Variants in AK5 observed in about 807,000 individuals in gnomAD.
AK5 encodes adenylate kinase isoenzyme 5.
AK5 carries 27 observed loss-of-function variants against 69.5 expected under a neutral mutation model. The ratio of observed to expected loss-of-function variants is 0.39; its 90% CI spans 0.29 to 0.54. The LOEUF (loss-of-function observed/expected upper bound fraction) is 0.54, where lower values mean the gene tolerates loss of function less well. Ranked by LOEUF, AK5 falls within the 20% of genes least tolerant of loss-of-function variation. The probability of loss-of-function intolerance (pLI) is 0.71; values close to 1 mark genes in which losing one functional copy is unlikely to be tolerated. For synonymous variants in AK5, 260 were observed against 244.4 expected (o/e 1.06, Z -0.60); for missense variants, 531 against 700.4 (o/e 0.76, Z 2.73).
chr1:77,535,557 C>T (rs548795083), intron 12 of AK5, among the ~76,000 whole-genome samples: 4 of 152,140 alleles, frequency 2.6e-5, no homozygotes, highest in African/African-American at 9.7e-5. Flanking sequence ...CCTTTCTTCT[C>T]AGTGCAGAAG....
chr1:77,529,033 T>A (rs567214376), intron 12 of AK5, among the ~76,000 whole-genome samples: 1 of 152,208 alleles, frequency 6.6e-6, no homozygotes, highest in Non-Finnish European at 1.5e-5. Flanking sequence ...ACAGTTTTTT[T>A]AATAATGTGT....
intron 8 of AK5, among the ~76,000 whole-genome samples, chr1:77,475,427 A>ACAAATATATAT (rs1654844444): frequency 1.3e-4 from 1 of 7,656 alleles, no homozygotes; most frequent in African/African-American, 3.7e-4. Context: ...ACTATATATT[A>ACAAATATATAT]TATATATGTA....
rs368613629 is a variant in AK5 at position 77,455,572 on chromosome 1, T to C, written c.1060-27745T>C. Among the ~76,000 whole-genome samples, 3 of 152,336 alleles carry C rather than the reference T, an allele frequency of 2.0e-5. No individual in the cohort carries two copies. In the South Asian group the frequency reaches 6.2e-4, roughly 32 times the overall value. ...ACAGGCCCTCACCAGACACTGAATC[T>C]GCCAGAGCCTTGAACTTCTACTTCC... On this transcript the variant is annotated intron_variant, in intron 8 of 13. Coordinates refer to ENST00000354567, the MANE Select transcript of AK5 (RefSeq NM_174858.3).
intron 6 of AK5, among the ~76,000 whole-genome samples, chr1:77,349,784 A>G (rs558008805): frequency 4.5e-4 from 68 of 152,306 alleles, no homozygotes; most frequent in African/African-American, 1.6e-3. Flanking sequence ...TATCTATACT[A>G]CTATCTCTTT....
At chr1:77,512,012 G>A (rs151224022) in intron 10 of AK5, among the ~76,000 whole-genome samples, 202 of 152,298 alleles carry the variant, frequency 1.3e-3, no homozygotes, top group Non-Finnish European at 1.7e-3. Flanking sequence ...AGAGCTGCAG[G>A]GGGCTGAAAT....
chr1:77,397,554 A>G (rs1019955583), intron 6 of AK5, among the ~76,000 whole-genome samples: 3 of 152,188 alleles, frequency 2.0e-5, no homozygotes, highest in Non-Finnish European at 4.4e-5. Flanking sequence ...TTTTTAATAA[A>G]CATTAAGCTT....
intron 6 of AK5, among the ~76,000 whole-genome samples, chr1:77,372,013 G>A (rs1344917798): frequency 1.3e-5 from 2 of 152,096 alleles, no homozygotes; most frequent in Non-Finnish European, 2.9e-5. Context: ...TCTTTTATCT[G>A]CTTCTGATTT....
chr1:77,476,338 C>G (rs1304590133), intron 8 of AK5, among the ~76,000 whole-genome samples: 1 of 152,148 alleles, frequency 6.6e-6, no homozygotes, highest in Non-Finnish European at 1.5e-5. Context: ...ACTGTAACCA[C>G]TCAAAATTTC....
intron 8 of AK5, among the ~76,000 whole-genome samples, chr1:77,430,855 G>C (rs1325374290): frequency 1.3e-5 from 2 of 152,108 alleles, no homozygotes; most frequent in African/African-American, 4.8e-5. Context: ...AGGAAATTGA[G>C]AACTTTACAA....
At chr1:77,555,108 C>T (rs1029355579) in intron 13 of AK5, among the ~76,000 whole-genome samples, 2 of 151,880 alleles carry the variant, frequency 1.3e-5, no homozygotes, top group African/African-American at 2.4e-5. Flanking sequence ...TGGTGAAACC[C>T]CATCTCTACT....
chr1:77,430,542 G>A (rs2647523), intron 8 of AK5, among the ~76,000 whole-genome samples: 150,198 of 152,350 alleles, frequency 0.99, 74,075 homozygotes, highest in Middle Eastern at 1. Context: ...ATACAAATTT[G>A]TGAGCCTTTT....
chr1:77,418,807 G>T (rs1289092724), intron 8 of AK5, among the ~76,000 whole-genome samples: 1 of 152,068 alleles, frequency 6.6e-6, no homozygotes, highest in Admixed American at 6.6e-5. Flanking sequence ...ATGTGTAATG[G>T]CTGGCTGTAT....
intron 8 of AK5, among the ~76,000 whole-genome samples, chr1:77,419,051 CA>C (rs5775398): frequency 0.96 from 143,973 of 149,558 alleles, 69,334 homozygotes; most frequent in East Asian, 1. Flanking sequence ...ATATCACAGA[CA>C]AAAAAAAAAA....
chr1:77,330,440 G>C (rs906294480), intron 5 of AK5, among the ~76,000 whole-genome samples: 5 of 148,584 alleles, frequency 3.4e-5, no homozygotes, highest in Non-Finnish European at 7.5e-5. Flanking sequence ...AGGGAGTCCA[G>C]AGTCATTGTT....
In AK5 at chr1:77,423,216, G is replaced by A. The variant is rs1422544115; in HGVS notation, c.1059+5501G>A. 2.7e-4 allele frequency among the ~76,000 whole-genome samples: 12 copies of A among 44,372 alleles called. 1 individual carries two copies. Among genetic ancestry groups the A allele is most frequent in the Non-Finnish European group, 4.3e-4 (10 of 23,422 alleles). The allele number at this position is 44,372 out of a possible 152,430, so 29.1% of individuals were successfully genotyped here. A position where few individuals can be genotyped will look rare whatever the true frequency, so the allele number is the denominator to read the frequency against. ...TGCCTGGGCAACAGAGCAAGACTCC[G>A]TCTAAAAAAAAAAATAAAAAAAAAA... On this transcript the variant is annotated intron_variant, in intron 8 of 13. Transcript: ENST00000354567.
chr1:77,391,852 T>C (rs1557554922), intron 6 of AK5, among the ~76,000 whole-genome samples: 1 of 152,114 alleles, frequency 6.6e-6, no homozygotes. Flanking sequence ...GCTCAGAAAT[T>C]AGGAAGGTGA....
At chr1:77,367,714 A>G (rs1363862472) in intron 6 of AK5, among the ~76,000 whole-genome samples, 2 of 92,612 alleles carry the variant, frequency 2.2e-5, no homozygotes, top group African/African-American at 8.8e-5. Context: ...TATATATGTT[A>G]TATATAATAT....
intron 13 of AK5, among the ~76,000 whole-genome samples, chr1:77,557,672 T>C (rs1357237147): frequency 6.6e-6 from 1 of 152,062 alleles, no homozygotes; most frequent in Non-Finnish European, 1.5e-5. Context: ...CATCCCTCAA[T>C]CTCTCCCCTA....
intron 6 of AK5, among the ~76,000 whole-genome samples, chr1:77,359,963 T>G (rs924686463): frequency 2.6e-5 from 4 of 152,108 alleles, no homozygotes; most frequent in African/African-American, 9.7e-5. Context: ...AGCTGAGAGA[T>G]AGATTGGTAA....
Sources: gnomAD v4.1 joint callset for allele counts (sites outside exome capture counted in the v4.1 genomes callset) on GRCh38, gnomAD v4.1.1 for gene constraint, MANE v1.5 for transcripts, NCBI Gene and HGNC (gene_info 2026-07-23, HGNC 2026-07-21) for gene names.